The following ACTN4 variants were observed in gnomAD, a reference collection of about 807,000 sequenced individuals.
ACTN4 encodes the protein alpha-actinin-4.
ACTN4 carries 18 observed loss-of-function variants against 114.2 expected under a neutral mutation model. The ratio of observed to expected loss-of-function variants is 0.16; its 90% CI spans 0.11 to 0.23. The LOEUF (loss-of-function observed/expected upper bound fraction) is 0.23. Among genes scored for constraint, ACTN4 ranks in the 10% least tolerant of loss-of-function variants. The pLI, the probability that ACTN4 is intolerant of heterozygous loss-of-function variation, is 1.00. For missense variants in ACTN4, 722 were observed against 1,262.9 expected (o/e 0.57, Z 6.49); for synonymous variants, 515 against 506.3 (o/e 1.02, Z -0.23).
chr19:38,710,355 G>T lies in ACTN4; in HGVS notation c.819+13G>T. ...AGGAGCGCAGAAGGTACCGAGCAGG[G>T]CCAGGCAGGCCCTCCTCGCCGCCAC... is the stretch of plus-strand genomic sequence containing the variant. On this transcript the variant is annotated intron_variant, in intron 8 of 20. Coordinates refer to ENST00000252699, the MANE Select transcript of ACTN4 (RefSeq NM_004924.6). The T allele has an allele frequency of 1.2e-6, 2 of 1,612,594 alleles. No individual in the cohort carries two copies. Among genetic ancestry groups the T allele is most frequent in the Non-Finnish European group, 1.7e-6 (2 of 1,179,838 alleles).
intron 1 of ACTN4, among the ~76,000 whole-genome samples, chr19:38,698,086 T>G (rs1968151314): frequency 6.7e-6 from 1 of 149,110 alleles, no homozygotes; most frequent in Non-Finnish European, 1.5e-5. Flanking sequence ...GTGCTGAGGG[T>G]GGGCCGGGGA....
intron 1 of ACTN4, among the ~76,000 whole-genome samples, chr19:38,659,708 C>T (rs192381934): frequency 9.2e-5 from 14 of 152,226 alleles, no homozygotes; most frequent in African/African-American, 2.9e-4. Context: ...ACTTTCTTGC[C>T]TAAAAATAAA....
chr19:38,691,653 A>G (rs1967934968), intron 1 of ACTN4, among the ~76,000 whole-genome samples: 1 of 152,162 alleles, frequency 6.6e-6, no homozygotes, highest in African/African-American at 2.4e-5. Context: ...CTGTAATCCC[A>G]GCACTTTGGG....
intron 17 of ACTN4, 149 bp from the exon 18 acceptor site, chr19:38,726,808 G>A: frequency 8.4e-7 from 1 of 1,194,904 alleles, no homozygotes; most frequent in Non-Finnish European, 1.2e-6. Flanking sequence ...GCAGCAGGGA[G>A]GCACCATGGC....
intron 1 of ACTN4, among the ~76,000 whole-genome samples, chr19:38,681,719 A>G (rs750059961): frequency 4.6e-5 from 7 of 152,178 alleles, no homozygotes; most frequent in Non-Finnish European, 1.0e-4. Flanking sequence ...CCAGGGCAGC[A>G]CTGTCAGGGT....
intron 2 of ACTN4, 74 bp downstream of exon 2, chr19:38,700,788 G>T (rs1414660827): frequency 6.9e-7 from 1 of 1,456,348 alleles, no homozygotes; most frequent in Non-Finnish European, 9.5e-7. Flanking sequence ...CAGAGACCCT[G>T]CCCACCCAGC....
At chr19:38,719,908 G>C (rs76862823) in intron 11 of ACTN4, among the ~76,000 whole-genome samples, 4 of 152,332 alleles carry the variant, frequency 2.6e-5, no homozygotes, top group Non-Finnish European at 5.9e-5. Context: ...TTAGAAGCCA[G>C]CTCAGTCTCC....
chr19:38,710,437 C>T (rs919176572), intron 8 of ACTN4, 95 bp downstream of exon 8: 36 of 1,348,662 alleles, frequency 2.7e-5, no homozygotes, highest in African/African-American at 4.3e-5. Context: ...CTCTTGCAGA[C>T]GGCAGTGGCC....
At chr19:38,711,507 C>G in intron 8 of ACTN4, 1 of 255,650 alleles carries the variant, frequency 3.9e-6, no homozygotes, top group Non-Finnish European at 6.2e-6. Context: ...CGGCCTCTGA[C>G]TCGGAAGGTC....
At position 38,647,714 on chromosome 19, in the gene ACTN4, G is replaced by T. The variant is rs1976425063; in HGVS notation, c.-32G>T. The T allele has an allele frequency of 3.9e-6, 6 of 1,529,220 alleles. No individual in the cohort carries two copies. In the Admixed American group the frequency reaches 1.2e-4, roughly 31 times the overall value. 94.7% of individuals were successfully genotyped at this position (1,529,220 alleles called of 1,614,324 possible). A position where few individuals can be genotyped will look rare whatever the true frequency, so the allele number is the denominator to read the frequency against. On this transcript the variant is annotated 5_prime_UTR_variant, in exon 1 of 21. Coordinates refer to ENST00000252699, the MANE Select transcript of ACTN4 (RefSeq NM_004924.6). Reference sequence around the variant, plus strand: ...AGGGGCGGGAGCTGAGGCGGGAGCGGACAGGCTGGTGGGCGAGCGAGAGGC... The same window carrying T: ...AGGGGCGGGAGCTGAGGCGGGAGCGTACAGGCTGGTGGGCGAGCGAGAGGC...
rs759428194 is a variant in ACTN4 at position 38,731,088 on chromosome 19, A to G, written c.*1656A>G. Reference sequence around the variant, plus strand: ...GTACCCCTTCCCCCCATGCCCCACCATGCCGGGGTGGTACTCACAGAAGAT... The same window carrying G: ...GTACCCCTTCCCCCCATGCCCCACCGTGCCGGGGTGGTACTCACAGAAGAT... On this transcript the variant is annotated 3_prime_UTR_variant, in exon 21 of 21. Coordinates refer to ENST00000252699, the MANE Select transcript of ACTN4 (RefSeq NM_004924.6). 8 of 1,505,810 alleles carry G rather than the reference A, an allele frequency of 5.3e-6. No homozygotes were observed. The Admixed American group carries it at 1.1e-4, about 20-fold the overall frequency. The allele number at this position is 1,505,810 out of a possible 1,614,324, so 93.3% of individuals were successfully genotyped here.
intron 1 of ACTN4, among the ~76,000 whole-genome samples, chr19:38,669,266 G>A (rs566440976): frequency 1.3e-5 from 2 of 152,186 alleles, no homozygotes; most frequent in Non-Finnish European, 2.9e-5. Flanking sequence ...GATTACAGGC[G>A]TGAGTCACCG....
intron 1 of ACTN4, among the ~76,000 whole-genome samples, chr19:38,689,008 C>T (rs193147758): frequency 3.3e-5 from 5 of 152,252 alleles, no homozygotes; most frequent in Non-Finnish European, 4.4e-5. Flanking sequence ...CAGGCATGAG[C>T]CACCACGCCC....
At position 38,725,720 on chromosome 19, in the gene ACTN4, G is replaced by A. The variant is rs377158228; in HGVS notation, c.2011-4G>A. 257 of 1,613,372 alleles carry A rather than the reference G, an allele frequency of 1.6e-4. 2 individuals are homozygous for A. In the South Asian group the frequency reaches 2.5e-3, roughly 16 times the overall value. On this transcript the variant is annotated splice_region_variant and splice_polypyrimidine_tract_variant and intron_variant, in intron 16 of 20. Coordinates refer to ENST00000252699, the MANE Select transcript of ACTN4 (RefSeq NM_004924.6). Reference sequence around the variant, plus strand: ...CACCCCACCGCCTGCACCCACCCCCGTAGGAGATCGGGCGCATCTCCATTG... The same window carrying A: ...CACCCCACCGCCTGCACCCACCCCCATAGGAGATCGGGCGCATCTCCATTG...
chr19:38,723,017 A>G (rs946380886), intron 12 of ACTN4, among the ~76,000 whole-genome samples: 2 of 152,210 alleles, frequency 1.3e-5, no homozygotes, highest in African/African-American at 4.8e-5. Context: ...TGGCGATAGC[A>G]AAAACTCACT....
chr19:38,718,775 C>T (rs1270426118), intron 11 of ACTN4, among the ~76,000 whole-genome samples: 2 of 152,238 alleles, frequency 1.3e-5, no homozygotes, highest in African/African-American at 4.8e-5. Context: ...CAGGCCTCTT[C>T]CATCCCCCGC....
intron 1 of ACTN4, among the ~76,000 whole-genome samples, chr19:38,666,744 G>T (rs1966974874): frequency 6.6e-6 from 1 of 152,200 alleles, no homozygotes; most frequent in South Asian, 2.1e-4. Context: ...GGGGCCCCCA[G>T]AAATCTGTCA....
At position 38,705,034 on chromosome 19, in the gene ACTN4, G is replaced by T. The variant is rs779523017; in HGVS notation, c.484+14G>T. 2 of 1,612,208 alleles carry T rather than the reference G, an allele frequency of 1.2e-6. No homozygotes were observed. The highest frequency in any genetic ancestry group is 1.7e-6 in the Non-Finnish European group (2 of 1,178,218). On this transcript the variant is annotated intron_variant, in intron 4 of 20. Coordinates refer to ENST00000252699, the MANE Select transcript of ACTN4 (RefSeq NM_004924.6). ...TCTCCGTGGAAGGTGACAGCCACCTGTACTGCCCCCGCTTCCCACCTGAGT... is the reference window on the plus strand; with the variant it reads ...TCTCCGTGGAAGGTGACAGCCACCTTTACTGCCCCCGCTTCCCACCTGAGT...
At chr19:38,673,528 C>CATATATACTTATATATATTT (rs1568689710) in intron 1 of ACTN4, among the ~76,000 whole-genome samples, 12 of 63,210 alleles carry the variant, frequency 1.9e-4, no homozygotes, top group East Asian at 1.7e-3. Flanking sequence ...TATATATATT[C>CATATATACTTATATATATTT]ATATATACTT....
Sources: gnomAD v4.1 joint callset for allele counts (sites outside exome capture counted in the v4.1 genomes callset) on GRCh38, gnomAD v4.1.1 for gene constraint, MANE v1.5 for transcripts, NCBI Gene and HGNC (gene_info 2026-07-23, HGNC 2026-07-21) for gene names.